Variants in AKAP3 observed in about 807,000 individuals in gnomAD.
The protein encoded by AKAP3 is A-kinase anchoring protein 3, also known as A-kinase anchor protein 3.
AKAP3 carries 27 observed loss-of-function variants against 57.2 expected under a neutral mutation model. The ratio of observed to expected loss-of-function variants is 0.47; its 90% CI spans 0.35 to 0.65. The LOEUF (loss-of-function observed/expected upper bound fraction) is 0.65, where lower values mean the gene tolerates loss of function less well. AKAP3 is among the 30% of genes least tolerant of loss of function. AKAP3 has a pLI of 0.01. For synonymous variants in AKAP3, 334 were observed against 392.3 expected (o/e 0.85, Z 1.76); for missense variants, 959 against 1,040.0 (o/e 0.92, Z 1.07).
intron 5 of AKAP3, among the ~76,000 whole-genome samples, chr12:4,624,186 T>C (rs1160099977): frequency 6.6e-6 from 1 of 151,982 alleles, no homozygotes; most frequent in Non-Finnish European, 1.5e-5. Context: ...ATAAAACATA[T>C]ATAAAACATA....
intron 5 of AKAP3, among the ~76,000 whole-genome samples, chr12:4,617,867 G>A (rs922077101): frequency 1.3e-5 from 2 of 151,974 alleles, no homozygotes; most frequent in African/African-American, 4.8e-5. Context: ...GAAGGATAAA[G>A]GAACCTTATA....
chr12:4,642,054 T>C (rs1028961000), intron 2 of AKAP3, 50 bp from the exon 3 acceptor site: 1 of 152,180 alleles, frequency 6.6e-6, no homozygotes, highest in Non-Finnish European at 1.5e-5. Context: ...AGATGGAACG[T>C]ATTGCTCTTA....
intron 1 of AKAP3, among the ~76,000 whole-genome samples, chr12:4,647,565 T>C (rs1008529108): frequency 6.6e-6 from 1 of 152,026 alleles, no homozygotes; most frequent in Non-Finnish European, 1.5e-5. Flanking sequence ...AAACTAGAAC[T>C]GAGAACATGA....
chr12:4,621,233 C>T (rs201542228), intron 5 of AKAP3, among the ~76,000 whole-genome samples: 12,654 of 148,196 alleles, frequency 0.085, 915 homozygotes, highest in East Asian at 0.29. Flanking sequence ...TAAAAAAAAT[C>T]AAAACTTTGT....
intron 3 of AKAP3, 34 bp from the exon 4 acceptor site, chr12:4,638,230 T>A (rs1365964286): frequency 7.0e-7 from 1 of 1,425,514 alleles, no homozygotes; most frequent in Non-Finnish European, 9.8e-7. Context: ...GAAAGGGTCA[T>A]CACAAGGGCA....
chr12:4,628,195 G>A lies in AKAP3; in HGVS notation c.707C>T (p.Ser236Phe). 2 of 1,614,102 alleles carry A rather than the reference G, an allele frequency of 1.2e-6. No individual in the cohort carries two copies. ...ERQGPDDKPP[S>F]KKSFFYKEVF... Reference sequence around the variant, plus strand: ...TTCCTTATAGAAGAAAGACTTCTTAGAAGGAGGCTTGTCATCTGGACCCTG... The same window carrying A: ...TTCCTTATAGAAGAAAGACTTCTTAAAAGGAGGCTTGTCATCTGGACCCTG... The change falls in exon 5 of 6, where the codon TCT becomes TTT. Residue 236 changes from serine (S) to phenylalanine (F), a missense_variant. By Grantham distance (155) the Ser-to-Phe change is radical. Coordinates refer to ENST00000228850, the MANE Select transcript of AKAP3 (RefSeq NM_001278309.2).
chr12:4,646,644 C>T (rs1262887094), intron 1 of AKAP3, among the ~76,000 whole-genome samples: 2 of 151,820 alleles, frequency 1.3e-5, no homozygotes, highest in Non-Finnish European at 2.9e-5. Context: ...TGCACTCCAG[C>T]CTGGGTGACA....
chr12:4,643,288 TA>T (rs1945659094), intron 2 of AKAP3, among the ~76,000 whole-genome samples: 1 of 152,208 alleles, frequency 6.6e-6, no homozygotes, highest in Non-Finnish European at 1.5e-5. Context: ...AGAGGTACTT[TA>T]AAACTTATTA....
intron 1 of AKAP3, 176 bp from the exon 2 acceptor site, chr12:4,645,368 G>C (rs1187698632): frequency 2.6e-5 from 4 of 152,218 alleles, no homozygotes; most frequent in Non-Finnish European, 5.9e-5. Flanking sequence ...TCTCTCTTTA[G>C]AGCAGTGGTC....
At chr12:4,635,873 G>C (rs1945559139) in intron 4 of AKAP3, 2 of 670,084 alleles carry the variant, frequency 3.0e-6, no homozygotes, top group East Asian at 5.5e-5. Context: ...CTATTTTCTG[G>C]CTAAGAACCA....
At chr12:4,631,822 C>G (rs1197191202) in intron 4 of AKAP3, among the ~76,000 whole-genome samples, 1 of 151,714 alleles carries the variant, frequency 6.6e-6, no homozygotes, top group African/African-American at 2.4e-5. Flanking sequence ...ATAAAAACAG[C>G]TATACCTTTT....
At chr12:4,634,113 T>C (rs1284182048) in intron 4 of AKAP3, among the ~76,000 whole-genome samples, 1 of 152,078 alleles carries the variant, frequency 6.6e-6, no homozygotes, top group African/African-American at 2.4e-5. Context: ...CTTAAACAGA[T>C]TAAATCATCT....
At chr12:4,624,273 C>T (rs1384780550) in intron 5 of AKAP3, among the ~76,000 whole-genome samples, 2 of 150,632 alleles carry the variant, frequency 1.3e-5, no homozygotes, top group Non-Finnish European at 2.9e-5. Flanking sequence ...CTATATGTTG[C>T]AGAAGAGGAT....
chr12:4,621,009 C>T (rs890280133), intron 5 of AKAP3, among the ~76,000 whole-genome samples: 3 of 151,990 alleles, frequency 2.0e-5, no homozygotes, highest in Non-Finnish European at 4.4e-5. Context: ...CCCTGAAGAC[C>T]TTCTAATGGG....
chr12:4,638,811 C>T (rs538299507), intron 3 of AKAP3, among the ~76,000 whole-genome samples: 9 of 152,142 alleles, frequency 5.9e-5, no homozygotes, highest in South Asian at 2.1e-4. Context: ...ATGTCATGTG[C>T]GCCATTCAAA....
At chr12:4,631,465 T>C (rs985559503) in intron 4 of AKAP3, 35 of 639,556 alleles carry the variant, frequency 5.5e-5, no homozygotes, top group Non-Finnish European at 9.4e-5. Flanking sequence ...TCTCTATCAG[T>C]GTCTGTATCA....
chr12:4,632,852 G>C (rs935225182), intron 4 of AKAP3, among the ~76,000 whole-genome samples: 2 of 152,136 alleles, frequency 1.3e-5, no homozygotes, highest in African/African-American at 4.8e-5. Context: ...ATGTTAGCCA[G>C]GATGGTCTCG....
At chr12:4,629,445 A>G (rs11063268) in intron 4 of AKAP3, among the ~76,000 whole-genome samples, 16,259 of 152,236 alleles carry the variant, frequency 0.11, 1,119 homozygotes, top group South Asian at 0.16. Flanking sequence ...ACATGGACAC[A>G]TAGAGGGGAA....
chr12:4,621,221 G>GT (rs972712429), intron 5 of AKAP3, among the ~76,000 whole-genome samples: 7 of 5,930 alleles, frequency 1.2e-3, no homozygotes, highest in Admixed American at 6.5e-3. Context: ...GAGCCAAAAA[G>GT]TTAAAAAAAA....
Sources: allele counts gnomAD v4.1 joint callset (sites outside exome capture counted in the v4.1 genomes callset), GRCh38; gene constraint gnomAD v4.1.1; transcripts MANE v1.5; gene names NCBI Gene and HGNC (gene_info 2026-07-23, HGNC 2026-07-21).